TAFA3: variants seen among roughly 807,000 people sequenced by gnomAD.
TAFA3 encodes chemokine-like protein TAFA-3.
Under a neutral mutation model 20.7 loss-of-function variants are expected in TAFA3, and 17 were observed. That is an observed-to-expected ratio of 0.82 (90% CI 0.56 to 1.23). The LOEUF is 1.23. Among genes scored for constraint, TAFA3 ranks in the 50% most tolerant of loss-of-function variants. The pLI is 0.00. For synonymous variants in TAFA3, 74 were observed against 71.8 expected (o/e 1.03, Z -0.16); for missense variants, 174 against 172.8 (o/e 1.01, Z -0.04).
rs531984153 is a variant in TAFA3 at position 112,723,097 on chromosome 1, C to T, written c.197C>T (p.Thr66Met). 5.6e-6 allele frequency: 9 copies of T among 1,613,290 alleles called. No homozygotes were observed. Among genetic ancestry groups the T allele is most frequent in the East Asian group, 4.5e-5 (2 of 44,846 alleles). The part of the protein sequence containing the change: ...NRNRIEERSQ[T>M]VKCSCFSGQV... ...AACCGCATCGAGGAGCGCTCCCAGA[C>T]GGTGAAATGCTCCTGTTTTTCTGGC... Residue 66 changes from threonine (T) to methionine (M), a missense_variant, in exon 4 of 6, where the codon ACG becomes ATG. Transcript: ENST00000361886.
At chr1:112,722,935 G>A (rs1675363633) in intron 3 of TAFA3, 81 bp from the exon 4 acceptor site, 2 of 1,496,600 alleles carry the variant, frequency 1.3e-6, no homozygotes, top group African/African-American at 1.4e-5. Flanking sequence ...GCAGGGAGGA[G>A]GGGCTGGAGG....
rs1371940381 is a variant in TAFA3, at chr1:112,724,021, G to A, written c.274G>A (p.Val92Ile). ...AKPSCVDASIVLQRWWCQMEP... is the reference protein window; with the variant it reads ...AKPSCVDASIILQRWWCQMEP... ...GCCTCCTGCTCCCACAGCCTCCATC[G>A]TCCTGCAGAGATGGTGGTGTCAGAT... Residue 92 changes from valine to isoleucine, a missense_variant, in exon 5 of 6, where the codon GTC (valine) becomes ATC (isoleucine). Transcript: ENST00000361886. 1.4e-5 allele frequency: 22 copies of A among 1,613,948 alleles called. No individual in the cohort carries two copies. The highest frequency in any genetic ancestry group is 2.7e-5 in the African/African-American group (2 of 75,030).
At chr1:112,723,780 ACTGT>A in intron 4 of TAFA3, among the ~76,000 whole-genome samples, 1 of 152,096 alleles carries the variant, frequency 6.6e-6, no homozygotes, top group Non-Finnish European at 1.5e-5. Context: ...TTCACCCGTC[ACTGT>A]CTGGGGAGAT....
chr1:112,723,121 G>A lies in TAFA3; in HGVS notation c.221G>A (p.Gly74Asp), dbSNP rs1476464057. The A allele has an allele frequency of 2.6e-5, 42 of 1,613,294 alleles. No homozygotes were observed. The highest frequency in any genetic ancestry group is 3.6e-5 in the Non-Finnish European group (42 of 1,179,830). Residue 74 changes from glycine (G) to aspartate (D), a missense_variant, in exon 4 of 6, where the codon GGC (glycine) becomes GAC (aspartate). Physicochemically the swap from Gly to Asp is moderately conservative, Grantham distance 94. Coordinates refer to ENST00000361886, the MANE Select transcript of TAFA3 (RefSeq NM_182759.3). The part of the protein sequence containing the change: ...SQTVKCSCFS[G>D]QVAGTTRAKP... The stretch of plus-strand genomic sequence containing the variant: ...ACGGTGAAATGCTCCTGTTTTTCTG[G>A]CCAGGTGGCCGGCACCACGCGGGCA...
At position 112,719,267 on chromosome 1, in the gene TAFA3, C is replaced by G. The variant is rs1255845404; in HGVS notation, c.-92C>G. ...AGTGGCAAGGAAGACTTCAGGCCAG[C>G]AGATCGAACCAGTGGGCATCACCGT... On this transcript the variant is annotated 5_prime_UTR_variant, in exon 1 of 6. Coordinates refer to ENST00000361886, the MANE Select transcript of TAFA3 (RefSeq NM_182759.3). Among the ~76,000 whole-genome samples the G allele has an allele frequency of 6.6e-6, 1 of 152,202 alleles. No homozygotes were observed. Among genetic ancestry groups the G allele is most frequent in the Non-Finnish European group, 1.5e-5 (1 of 68,040 alleles).
At chr1:112,725,303 T>A (rs1400966014) in intron 5 of TAFA3, among the ~76,000 whole-genome samples, 1 of 149,840 alleles carries the variant, frequency 6.7e-6, no homozygotes, top group Non-Finnish European at 1.5e-5. Context: ...GGTAATGAGA[T>A]CAATGGCACT....
chr1:112,723,006 C>A lies in TAFA3; in HGVS notation c.116-10C>A. On this transcript the variant is annotated splice_polypyrimidine_tract_variant and intron_variant, in intron 3 of 5. Coordinates refer to ENST00000361886, the MANE Select transcript of TAFA3 (RefSeq NM_182759.3). ...GTGTTGGGCGTCTGATCCTGGGCGGCTCCCCTCAGTGCTTGTGCAGCAGGG... is the reference window on the plus strand; with the variant it reads ...GTGTTGGGCGTCTGATCCTGGGCGGATCCCCTCAGTGCTTGTGCAGCAGGG... 6.2e-7 allele frequency: 1 copy of A among 1,603,420 alleles called. No homozygotes were observed. Among genetic ancestry groups the A allele is most frequent in the Non-Finnish European group, 8.5e-7 (1 of 1,174,988 alleles).
intron 4 of TAFA3, 63 bp downstream of exon 4, chr1:112,723,228 C>T: frequency 3.9e-6 from 6 of 1,545,668 alleles, no homozygotes; most frequent in South Asian, 3.6e-5. Context: ...CCTGTTCAGG[C>T]CTCGCCATCT....
intron 3 of TAFA3, 79 bp downstream of exon 3, chr1:112,722,427 A>G: frequency 8.0e-7 from 1 of 1,251,198 alleles, no homozygotes; most frequent in Non-Finnish European, 1.1e-6. Flanking sequence ...ACCGTGTTCC[A>G]TAGCAGGCAG....
intron 2 of TAFA3, 60 bp from the exon 3 acceptor site, chr1:112,722,173 C>T (rs1675342877): frequency 2.6e-6 from 4 of 1,557,326 alleles, no homozygotes; most frequent in African/African-American, 2.7e-5. Flanking sequence ...AGAGAAGGTG[C>T]CCAGGTGCAC....
chr1:112,722,479 G>C, intron 3 of TAFA3, 131 bp downstream of exon 3: 2 of 739,466 alleles, frequency 2.7e-6, no homozygotes, highest in South Asian at 1.8e-5. Context: ...TAGGGGTTCC[G>C]GCTCCTCCTC....
intron 5 of TAFA3, among the ~76,000 whole-genome samples, chr1:112,726,052 G>T (rs1675463774): frequency 6.6e-6 from 1 of 152,156 alleles, no homozygotes; most frequent in Non-Finnish European, 1.5e-5. Flanking sequence ...CAGGAGAATT[G>T]CTTGAACCTA....
At chr1:112,723,933 C>T (rs1375506580) in intron 4 of TAFA3, 80 bp from the exon 5 acceptor site, 6 of 1,612,974 alleles carry the variant, frequency 3.7e-6, no homozygotes, top group East Asian at 2.2e-5. Flanking sequence ...GAAACGTGCA[C>T]CTCATTCGCA....
At position 112,723,126 on chromosome 1, in the gene TAFA3, G is replaced by T. The variant is rs1675370773; in HGVS notation, c.226G>T (p.Val76Leu). ...GAAATGCTCCTGTTTTTCTGGCCAG[G>T]TGGCCGGCACCACGCGGGCAAAGCC... ...TVKCSCFSGQ[V>L]AGTTRAKPSC... The change falls in exon 4 of 6, where the codon GTG (valine) becomes TTG (leucine). Residue 76 changes from valine to leucine, a missense_variant. By Grantham distance (32) the Val-to-Leu change is conservative (BLOSUM62 1). Transcript: ENST00000361886. 1 of 1,613,212 alleles carries T rather than the reference G, an allele frequency of 6.2e-7. No individual in the cohort carries two copies. Among genetic ancestry groups the T allele is most frequent in the African/African-American group, 1.3e-5 (1 of 74,922 alleles).
chr1:112,722,988 G>T (rs1292648459), intron 3 of TAFA3, 28 bp from the exon 4 acceptor site: 1 of 1,589,350 alleles, frequency 6.3e-7, no homozygotes, highest in Non-Finnish European at 8.6e-7. Context: ...GGCGTGTTGG[G>T]CGTCTGATCC....
chr1:112,722,842 A>G (rs1557787999), intron 3 of TAFA3, among the ~76,000 whole-genome samples, 174 bp from the exon 4 acceptor site: 1 of 151,942 alleles, frequency 6.6e-6, no homozygotes, highest in Non-Finnish European at 1.5e-5. Context: ...GAGGAAGAAT[A>G]GGAGCTCTGT....
rs149958944 is a variant in TAFA3, at chr1:112,725,726, C to T, written c.391-903C>T. 3.0e-3 allele frequency among the ~76,000 whole-genome samples: 459 copies of T among 152,290 alleles called. 2 individuals are homozygous for T. Among genetic ancestry groups the T allele is most frequent in the African/African-American group, 0.01 (433 of 41,554 alleles). Reference sequence around the variant, plus strand: ...TCCATGTGTGTCATGGCTAATCAGCCGCATTGCTCTGCCGTCACCATTGGT... The same window carrying T: ...TCCATGTGTGTCATGGCTAATCAGCTGCATTGCTCTGCCGTCACCATTGGT... On this transcript the variant is annotated intron_variant, in intron 5 of 5. Transcript: ENST00000361886.
At chr1:112,722,178 G>A in intron 2 of TAFA3, 55 bp from the exon 3 acceptor site, 3 of 1,579,276 alleles carry the variant, frequency 1.9e-6, no homozygotes, top group South Asian at 1.1e-5. Context: ...AGGTGCCCAG[G>A]TGCACAGGGG....
At chr1:112,719,971 G>A (rs1191772186) in intron 1 of TAFA3, among the ~76,000 whole-genome samples, 1 of 152,192 alleles carries the variant, frequency 6.6e-6, no homozygotes, top group Admixed American at 6.5e-5. Flanking sequence ...CCTCCCTTTA[G>A]AGAGGTGAGG....
Sources: allele counts gnomAD v4.1 joint callset (sites outside exome capture counted in the v4.1 genomes callset), GRCh38; gene constraint gnomAD v4.1.1; transcripts MANE v1.5; gene names NCBI Gene and HGNC (gene_info 2026-07-23, HGNC 2026-07-21).